Variants in KPTN observed in about 807,000 individuals in gnomAD.
KPTN encodes kaptin, actin binding protein, also known as KICSTOR complex protein kaptin.
A neutral mutation model predicts 52.6 loss-of-function variants in KPTN; 36 were observed. The ratio of observed to expected loss-of-function variants is 0.68; its 90% CI spans 0.52 to 0.90. KPTN has a LOEUF of 0.90. Ranked by LOEUF, KPTN falls within the 40% of genes least tolerant of loss-of-function variation. KPTN has a pLI of 0.00. For synonymous variants in KPTN, 271 were observed against 248.4 expected (o/e 1.09, Z -0.85); for missense variants, 529 against 576.2 (o/e 0.92, Z 0.84).
In KPTN at chr19:47,483,985, C is replaced by G. The variant is rs766576180; in HGVS notation, c.176G>C (p.Arg59Pro). The G allele has an allele frequency of 1.9e-6, 3 of 1,613,696 alleles. No individual in the cohort carries two copies. The Admixed American group carries it at 5.0e-5, about 27-fold the overall frequency. Residue 59 changes from arginine (R) to proline (P), a missense_variant, in exon 1 of 12, where the codon CGA becomes CCA. Arg to Pro is a moderately radical substitution (Grantham distance 103). Transcript: ENST00000338134. Reference sequence around the variant, plus strand: ...CTTGGCCACTGGCCGGATTTTCTGTCGGAGGTCTTGGTAGCGGAAGCCGAG... The same window carrying G: ...CTTGGCCACTGGCCGGATTTTCTGTGGGAGGTCTTGGTAGCGGAAGCCGAG... The part of the protein sequence containing the change: ...KVLGFRYQDL[R>P]QKIRPVAKEL...
intron 9 of KPTN, 101 bp from the exon 10 acceptor site, chr19:47,477,039 G>A: frequency 8.1e-7 from 1 of 1,228,776 alleles, no homozygotes; most frequent in Non-Finnish European, 1.1e-6. Context: ...CCCTTCTCAG[G>A]CCTAGACACA....
chr19:47,477,938 T>A (rs1967731234), intron 8 of KPTN, among the ~76,000 whole-genome samples, 157 bp from the exon 9 acceptor site: 1 of 151,932 alleles, frequency 6.6e-6, no homozygotes, highest in African/African-American at 2.4e-5. Context: ...CGGGCACCTG[T>A]AATGCCAGCT....
rs374577355 is a variant in KPTN, at chr19:47,480,441, C to T, written c.600-34G>A. 93 of 1,454,216 alleles carry T rather than the reference C, an allele frequency of 6.4e-5. No homozygotes were observed. In the African/African-American group the frequency reaches 9.7e-4, roughly 15 times the overall value. 90.1% of individuals were successfully genotyped at this position (1,454,216 alleles called of 1,614,324 possible). ...CGGGTGGATGGACAGGACGGACGGC[C>T]ATTGCTGGGCCCAGCCCCGCCCCTC... On this transcript the variant is annotated intron_variant, in intron 6 of 11. Transcript: ENST00000338134.
In KPTN at chr19:47,480,303, C is replaced by G; in HGVS notation, c.704G>C (p.Ser235Thr). Residue 235 changes from serine to threonine, a missense_variant, in exon 7 of 12, where the codon AGT (serine) becomes ACT (threonine). Ser to Thr is a moderately conservative substitution (Grantham distance 58, BLOSUM62 1). Coordinates refer to ENST00000338134, the MANE Select transcript of KPTN (RefSeq NM_007059.4). ...CGCCTCACCGCGGCCCTCACCTCGA[C>G]TCCGCTGGTCCACGTGGGCGACACG... ...YVRVAHVDQRSREVLQMWSVL... is the reference protein window; with the variant it reads ...YVRVAHVDQRTREVLQMWSVL... The G allele has an allele frequency of 6.5e-7, 1 of 1,545,982 alleles. No individual in the cohort carries two copies.
chr19:47,483,299 A>T lies in KPTN; in HGVS notation c.390T>A (p.Ile130=). ...TCCCGTCCACGCCTCACTCACGGGC[A>T]ATAGAGTCAAGGTTGTACTCAGAGC... ...EPGSEYNLDS[I]AQSCLNLELQ... The change falls in exon 3 of 12, where the codon ATT becomes ATA. Residue 130 remains isoleucine, a synonymous_variant. Coordinates refer to ENST00000338134, the MANE Select transcript of KPTN (RefSeq NM_007059.4). 1 of 1,613,978 alleles carries T rather than the reference A, an allele frequency of 6.2e-7. No individual in the cohort carries two copies. The highest frequency in any genetic ancestry group is 8.5e-7 in the Non-Finnish European group (1 of 1,179,946).
chr19:47,477,434 C>T (rs931579010), intron 9 of KPTN, among the ~76,000 whole-genome samples: 3 of 152,142 alleles, frequency 2.0e-5, no homozygotes, highest in Admixed American at 6.5e-5. Context: ...GGGCTTTCCT[C>T]GTGCATAGCC....
At chr19:47,475,680 G>T in intron 11 of KPTN, 136 bp from the exon 12 acceptor site, 1 of 1,014,340 alleles carries the variant, frequency 9.9e-7, no homozygotes, top group Non-Finnish European at 1.5e-6. Flanking sequence ...ACCACAGTGT[G>T]TGGGATGGGA....
In KPTN at chr19:47,475,405, T is replaced by C. The variant is rs1967627825; in HGVS notation, c.*11A>G. On this transcript the variant is annotated 3_prime_UTR_variant, in exon 12 of 12. Transcript: ENST00000338134. ...TCGCCCCAGGTCTGGGAAGAGTGGG[T>C]GCATGGGTGCTTAAGAGGCTGCATT... 3.1e-6 allele frequency: 5 copies of C among 1,610,966 alleles called. No homozygotes were observed. In the African/African-American group the frequency reaches 5.3e-5, roughly 17 times the overall value.
At chr19:47,484,489 A>T, upstream of KPTN, 1 of 399,460 alleles carries the variant, frequency 2.5e-6, no homozygotes, top group Non-Finnish European at 4.5e-6. Flanking sequence ...TCATCATCAT[A>T]AAACTTAATA....
intron 1 of KPTN, 124 bp from the exon 2 acceptor site, chr19:47,483,708 G>T: frequency 2.2e-6 from 2 of 890,304 alleles, no homozygotes; most frequent in African/African-American, 1.7e-5. Context: ...ACCATCACCT[G>T]ATCTCTGTTC....
intron 8 of KPTN, among the ~76,000 whole-genome samples, chr19:47,478,203 T>C (rs1445357387): frequency 6.6e-6 from 1 of 152,148 alleles, no homozygotes; most frequent in Non-Finnish European, 1.5e-5. Flanking sequence ...GAGGCTGTGC[T>C]ACACAGGGAG....
chr19:47,475,529 C>A lies in KPTN; in HGVS notation c.1198G>T (p.Ala400Ser), dbSNP rs756371124. The change falls in exon 12 of 12, where the codon GCC becomes TCC. Residue 400 changes from alanine to serine, a missense_variant. Transcript: ENST00000338134. ...AGCCGGGTCAAGACCAGCTCTGAGG[C>A]CTGAATCAGGCTGTGCTGTGGGGAA... ...VHILQHSLIQ[A>S]SELVLTRLRH... is the part of the protein sequence containing the mutation. The A allele has an allele frequency of 6.7e-5, 108 of 1,612,950 alleles. No individual in the cohort carries two copies. Among genetic ancestry groups the A allele is most frequent in the Non-Finnish European group, 8.7e-5 (103 of 1,179,106 alleles).
At chr19:47,480,240 T>C (rs557025908) in intron 7 of KPTN, 58 bp downstream of exon 7, 73 of 329,882 alleles carry the variant, frequency 2.2e-4, no homozygotes, top group Admixed American at 4.1e-4. Flanking sequence ...AGCCCCACCC[T>C]GGCCCCGCCC....
chr19:47,478,773 C>G (rs1167374349), intron 8 of KPTN, among the ~76,000 whole-genome samples: 1 of 152,014 alleles, frequency 6.6e-6, no homozygotes, highest in Non-Finnish European at 1.5e-5. Flanking sequence ...GACCATTATT[C>G]TAAGTGCAGT....
rs1967944698 is a variant in KPTN at position 47,483,150 on chromosome 19, G to A, written c.449+11C>T. Reference sequence around the variant, plus strand: ...CAGTGGAGTGGGCGTCGATGCGCAGGGGACACTCACTCCGCATGGCACAGC... The same window carrying A: ...CAGTGGAGTGGGCGTCGATGCGCAGAGGACACTCACTCCGCATGGCACAGC... On this transcript the variant is annotated intron_variant, in intron 4 of 11. Coordinates refer to ENST00000338134, the MANE Select transcript of KPTN (RefSeq NM_007059.4). 6.2e-7 allele frequency: 1 copy of A among 1,613,026 alleles called. No homozygotes were observed. The highest frequency in any genetic ancestry group is 8.5e-7 in the Non-Finnish European group (1 of 1,179,080).
chr19:47,476,425 G>T, intron 11 of KPTN, 107 bp downstream of exon 11: 1 of 889,058 alleles, frequency 1.1e-6, no homozygotes, highest in Non-Finnish European at 1.6e-6. Flanking sequence ...TGACTGGTAG[G>T]AACTGCCTCC....
chr19:47,480,152 T>G, intron 7 of KPTN, 146 bp downstream of exon 7: 5 of 321,840 alleles, frequency 1.6e-5, no homozygotes, highest in Non-Finnish European at 2.3e-5. Flanking sequence ...GGCCCCACCC[T>G]AGCCCCACCC....
intron 5 of KPTN, 38 bp from the exon 6 acceptor site, chr19:47,480,871 C>T (rs373713635): frequency 5.6e-6 from 9 of 1,613,246 alleles, no homozygotes; most frequent in African/African-American, 1.3e-5. Flanking sequence ...CCGCTTAAGT[C>T]AGCCGTCAGC....
intron 11 of KPTN, among the ~76,000 whole-genome samples, chr19:47,475,786 GAAGGAATATAA>G (rs1406435395): frequency 1.3e-5 from 2 of 152,050 alleles, no homozygotes; most frequent in Admixed American, 6.6e-5. Context: ...AGTGAGATTA[GAAGGAATATAA>G]AAGGAATATA....
Sources: allele counts gnomAD v4.1 joint callset (sites outside exome capture counted in the v4.1 genomes callset), GRCh38; gene constraint gnomAD v4.1.1; transcripts MANE v1.5; gene names NCBI Gene and HGNC (gene_info 2026-07-23, HGNC 2026-07-21).